Variants in SCP2 observed in about 807,000 individuals in gnomAD.
SCP2 encodes the protein sterol carrier protein 2.
Under a neutral mutation model 71.4 loss-of-function variants are expected in SCP2, and 48 were observed. The ratio of observed to expected loss-of-function variants is 0.67; its 90% CI spans 0.53 to 0.86. The LOEUF (loss-of-function observed/expected upper bound fraction) is 0.86. Ranked by LOEUF, SCP2 falls within the 40% of genes least tolerant of loss-of-function variation. The probability of loss-of-function intolerance (pLI) is 0.00; values close to 1 mark genes in which losing one functional copy is unlikely to be tolerated. For missense variants in SCP2, 560 were observed against 655.6 expected (o/e 0.85, Z 1.59); for synonymous variants, 220 against 218.1 (o/e 1.01, Z -0.08).
intron 15 of SCP2, chr1:53,049,170 A>G (rs1483414175): frequency 6.6e-6 from 1 of 152,254 alleles, no homozygotes; most frequent in African/African-American, 2.4e-5. Flanking sequence ...GCTGGCTGTC[A>G]TCCTCCTTCC....
chr1:53,044,616 G>A (rs1263043733), intron 14 of SCP2, among the ~76,000 whole-genome samples: 2 of 152,194 alleles, frequency 1.3e-5, no homozygotes, highest in Non-Finnish European at 2.9e-5. Flanking sequence ...TCAGATCAGT[G>A]CACTGTGAAT....
At chr1:52,931,275 G>A (rs964961878) in intron 1 of SCP2, among the ~76,000 whole-genome samples, 2 of 152,176 alleles carry the variant, frequency 1.3e-5, no homozygotes, top group Admixed American at 6.5e-5. Context: ...TACTGGTTGA[G>A]CCTCCCAGCA....
intron 11 of SCP2, among the ~76,000 whole-genome samples, chr1:53,011,572 T>A (rs1364176101): frequency 6.6e-6 from 1 of 152,178 alleles, no homozygotes; most frequent in Non-Finnish European, 1.5e-5. Flanking sequence ...TGTTAGGAAA[T>A]GTTTGCAGCA....
chr1:53,027,917 A>C lies in SCP2; in HGVS notation c.1236-52A>C, dbSNP rs1206515578. ...AAAATTACTATTTTATAAATGTTGA[A>C]AAACCTAGTACCTATGTGACTCCAT... On this transcript the variant is annotated intron_variant, in intron 12 of 15. Transcript: ENST00000371514. 4 of 996,380 alleles carry C rather than the reference A, an allele frequency of 4.0e-6. No homozygotes were observed. In the East Asian group the frequency reaches 9.6e-5, roughly 24 times the overall value. 61.7% of individuals were successfully genotyped at this position (996,380 alleles called of 1,614,324 possible).
chr1:52,972,369 C>T (rs1373957965), intron 6 of SCP2, among the ~76,000 whole-genome samples: 1 of 152,156 alleles, frequency 6.6e-6, no homozygotes, highest in Non-Finnish European at 1.5e-5. Flanking sequence ...ATGTAAGTGA[C>T]TGGCAGAATA....
intron 11 of SCP2, among the ~76,000 whole-genome samples, chr1:52,991,026 T>G (rs1183808298): frequency 6.6e-6 from 1 of 152,184 alleles, no homozygotes; most frequent in East Asian, 1.9e-4. Flanking sequence ...GGTACACTTT[T>G]AGAAATAGTG....
intron 10 of SCP2, among the ~76,000 whole-genome samples, chr1:52,982,664 G>A (rs1044712806): frequency 1.3e-5 from 2 of 152,116 alleles, no homozygotes; most frequent in African/African-American, 4.8e-5. Flanking sequence ...AGTTAATATT[G>A]TACCACTTCA....
chr1:53,046,695 A>C (rs1420014258), intron 14 of SCP2, among the ~76,000 whole-genome samples: 2 of 152,134 alleles, frequency 1.3e-5, no homozygotes, highest in African/African-American at 4.8e-5. Flanking sequence ...TTTTATTGGA[A>C]CATAGCCAAC....
chr1:52,928,214 G>A (rs1309648850), intron 1 of SCP2, among the ~76,000 whole-genome samples: 1 of 152,198 alleles, frequency 6.6e-6, no homozygotes, highest in Non-Finnish European at 1.5e-5. Context: ...TGCACTTACT[G>A]TGCTCGGCAG....
intron 3 of SCP2, among the ~76,000 whole-genome samples, chr1:52,948,596 G>A (rs1655013678): frequency 7.3e-6 from 1 of 137,554 alleles, no homozygotes; most frequent in East Asian, 2.1e-4. Flanking sequence ...CTGCACTCCA[G>A]CCTGGGCAAC....
chr1:52,987,752 A>G (rs1286994231), intron 10 of SCP2, among the ~76,000 whole-genome samples: 2 of 152,220 alleles, frequency 1.3e-5, no homozygotes, highest in Admixed American at 6.5e-5. Flanking sequence ...TTTCAGTTCT[A>G]TTCTCCTAGT....
chr1:53,049,375 A>T (rs1158013731), intron 15 of SCP2: 1 of 152,178 alleles, frequency 6.6e-6, no homozygotes, highest in South Asian at 2.1e-4. Context: ...GTGCTAATGG[A>T]CTTCCCTTAT....
intron 2 of SCP2, 119 bp downstream of exon 2, chr1:52,941,972 G>C (rs77858034): frequency 2.8e-6 from 2 of 723,638 alleles, no homozygotes; most frequent in Non-Finnish European, 5.0e-6. Flanking sequence ...AGAAGAACCC[G>C]TACAGAGAAA....
At chr1:52,946,408 G>A (rs933481917) in intron 2 of SCP2, among the ~76,000 whole-genome samples, 7 of 151,154 alleles carry the variant, frequency 4.6e-5, no homozygotes, top group Non-Finnish European at 8.8e-5. Context: ...TTTATTTTTT[G>A]TAGAGATGGG....
intron 13 of SCP2, among the ~76,000 whole-genome samples, chr1:53,037,568 A>G (rs769707172): frequency 6.6e-5 from 10 of 152,108 alleles, no homozygotes; most frequent in Non-Finnish European, 1.3e-4. Flanking sequence ...GCAGAGATAT[A>G]GGTCTGAGTT....
intron 11 of SCP2, among the ~76,000 whole-genome samples, chr1:53,001,986 C>A (rs1353554512): frequency 6.6e-6 from 1 of 152,016 alleles, no homozygotes; most frequent in Non-Finnish European, 1.5e-5. Context: ...AGATCGAGAC[C>A]ATCCTGGCTA....
intron 10 of SCP2, among the ~76,000 whole-genome samples, chr1:52,982,386 C>T (rs557677835): frequency 4.6e-5 from 7 of 152,026 alleles, no homozygotes; most frequent in Non-Finnish European, 8.8e-5. Context: ...CTGGCTAACA[C>T]GGTGAAACCC....
intron 11 of SCP2, among the ~76,000 whole-genome samples, chr1:53,014,268 A>G (rs6678994): frequency 0.14 from 21,785 of 151,966 alleles, 2,273 homozygotes; most frequent in East Asian, 0.32. Flanking sequence ...GCAAACAAAT[A>G]TACATCTGGA....
intron 14 of SCP2, among the ~76,000 whole-genome samples, chr1:53,039,525 C>G (rs550863611): frequency 1.3e-5 from 2 of 152,340 alleles, no homozygotes; most frequent in South Asian, 2.1e-4. Flanking sequence ...TGACCCCACT[C>G]TAGTCAGCTT....
Sources: allele counts gnomAD v4.1 joint callset (sites outside exome capture counted in the v4.1 genomes callset), GRCh38; gene constraint gnomAD v4.1.1; transcripts MANE v1.5; gene names NCBI Gene and HGNC (gene_info 2026-07-23, HGNC 2026-07-21).